The following DENND4B variants were observed in gnomAD, a reference collection of about 807,000 sequenced individuals.
The protein encoded by DENND4B is DENN domain-containing protein 4B.
Under a neutral mutation model 161.0 loss-of-function variants are expected in DENND4B, and 67 were observed. That is an observed-to-expected ratio of 0.42 (90% CI 0.34 to 0.51). The LOEUF (loss-of-function observed/expected upper bound fraction) is 0.51, where lower values mean the gene tolerates loss of function less well. Ranked by LOEUF, DENND4B falls within the 20% of genes least tolerant of loss-of-function variation. The pLI is 0.08. For synonymous variants in DENND4B, 753 were observed against 813.8 expected, an observed-to-expected ratio of 0.93 and a Z score of 1.27; for missense variants, 1,481 against 1,968.0, an observed-to-expected ratio of 0.75 and a Z score of 4.68.
rs775845853 is a variant in DENND4B at position 153,943,701 on chromosome 1, AT to A, written c.317+356del. Among the ~76,000 whole-genome samples, 1,311 of 145,868 alleles carry A rather than the reference AT, an allele frequency of 9.0e-3. 18 individuals are homozygous for A. The highest frequency in any genetic ancestry group is 0.031 in the African/African-American group (1,212 of 38,734). ...TATAAAAAAAAAAAAAAAAAAAAAA[AT>A]AGTTATACAAGCTACCACTGACTGA... On this transcript the variant is annotated intron_variant, in intron 2 of 27. Coordinates refer to ENST00000361217, the MANE Select transcript of DENND4B (RefSeq NM_014856.3).
chr1:153,934,818 C>CTGT lies in DENND4B; in HGVS notation c.2714_2715insACA (p.Gln910dup), dbSNP rs781395790. ...ACACCTGCTCCTGCTGCTGCTGCTGCTGCTGCTGCTGTTGCTGCTGCTGCT... is the reference window on the plus strand; with the variant it reads ...ACACCTGCTCCTGCTGCTGCTGCTGCTGTTGCTGCTGCTGTTGCTGCTGCTGCT... On this transcript the variant is annotated inframe_insertion, in exon 18 of 28. Transcript: ENST00000361217. This position sits in a 1 kb window ranked among gnomAD's most constrained non-coding sequence, Gnocchi z 5.3. The CTGT allele has an allele frequency of 9.3e-5, 145 of 1,564,616 alleles. No homozygotes were observed. Among genetic ancestry groups the CTGT allele is most frequent in the Non-Finnish European group, 1.2e-4 (141 of 1,147,852 alleles).
intron 6 of DENND4B, 97 bp downstream of exon 6, chr1:153,941,772 C>CCCGGGGGGG: frequency 6.8e-7 from 1 of 1,464,444 alleles, no homozygotes; most frequent in East Asian, 2.4e-5. Context: ...TACCCTGTGC[C>CCCGGGGGGG]CAGCCCTCCC....
At position 153,932,308 on chromosome 1, in the gene DENND4B, G is replaced by A. The variant is rs571306422; in HGVS notation, c.3892C>T (p.Pro1298Ser). The change falls in exon 24 of 28, where the codon CCC (proline) becomes TCC (serine). Residue 1298 changes from proline (P) to serine (S), a missense_variant. By Grantham distance (74) the Pro-to-Ser change is moderately conservative. Around this residue, in one of 3 missense-constraint regions of DENND4B, gnomAD observed 336 missense variants for 503.3 expected, o/e 0.67. Transcript: ENST00000361217. This position sits in a 1 kb window ranked among gnomAD's most constrained non-coding sequence, Gnocchi z 5.8. ...CACAAAAGGTTCCAGAAGATGATGG[G>A]GTGGGCAGAGGGCAGTTCAGGCAAC... ...LALPELPSAH[P>S]IIFWNLLWYF... 6.2e-7 allele frequency: 1 copy of A among 1,613,984 alleles called. No individual in the cohort carries two copies. Among genetic ancestry groups the A allele is most frequent in the South Asian group, 1.1e-5 (1 of 91,080 alleles).
intron 24 of DENND4B, 105 bp from the exon 25 acceptor site, chr1:153,931,169 C>T: frequency 2.3e-6 from 2 of 861,346 alleles, no homozygotes; most frequent in South Asian, 3.1e-5. Flanking sequence ...TTACAGGACA[C>T]AGCCAAAGAG....
In DENND4B at chr1:153,941,000, A is replaced by G. The variant is rs749348735; in HGVS notation, c.1230T>C (p.Ala410=). 17 of 1,578,414 alleles carry G rather than the reference A, an allele frequency of 1.1e-5. No homozygotes were observed. The highest frequency in any genetic ancestry group is 1.3e-5 in the Non-Finnish European group (15 of 1,164,092). ...QLLQSLGPEL[A]ITLLLAVLTE... ...TGAGCACAGCCAGCAGCAGTGTGAT[A>G]GCCAGCTCAGGGCCCAGGCTCTGCA... The change falls in exon 9 of 28, where the codon GCT becomes GCC. Residue 410 remains alanine (A), a synonymous_variant. Coordinates refer to ENST00000361217, the MANE Select transcript of DENND4B (RefSeq NM_014856.3). This position sits in a 1 kb window ranked among gnomAD's most constrained non-coding sequence, Gnocchi z 5.6.
Position 153,937,465 on chromosome 1 carries a change from A to G in DENND4B, c.2232+23T>C. 3 of 1,511,484 alleles carry G rather than the reference A, an allele frequency of 2.0e-6. No individual in the cohort carries two copies. The highest frequency in any genetic ancestry group is 1.2e-5 in the South Asian group (1 of 80,310). The allele number at this position is 1,511,484 out of a possible 1,614,324, so 93.6% of individuals were successfully genotyped here. A position where few individuals can be genotyped will look rare whatever the true frequency, so the allele number is the denominator to read the frequency against. On this transcript the variant is annotated intron_variant, in intron 15 of 27. Transcript: ENST00000361217. The surrounding 1 kb of genome is among the most constrained non-coding windows in gnomAD (Gnocchi z 4.7). The stretch of plus-strand genomic sequence containing the variant: ...GCCTTCAGCCTGATCCGGGTCCCTC[A>G]GTGCGGTCCACCCACTGCTTACCTG...
rs1349319836 is a variant in DENND4B, at chr1:153,945,392, G to T, written c.-24+909C>A. ...ATTGAAGGTGCCAGCACAGCATTACGCCAAGTTGGAATCTCAGACTATAGG... is the reference window on the plus strand; with the variant it reads ...ATTGAAGGTGCCAGCACAGCATTACTCCAAGTTGGAATCTCAGACTATAGG... On this transcript the variant is annotated intron_variant, in intron 1 of 27. Coordinates refer to ENST00000361217, the MANE Select transcript of DENND4B (RefSeq NM_014856.3). 1.6e-5 allele frequency: 5 copies of T among 316,756 alleles called. No homozygotes were observed. In the East Asian group the frequency reaches 4.0e-4, roughly 25 times the overall value. 19.6% of individuals were successfully genotyped at this position (316,756 alleles called of 1,614,324 possible).
In DENND4B at chr1:153,931,654, T is replaced by C. The variant is rs1007780710; in HGVS notation, c.3996+550A>G. 4.9e-5 allele frequency among the ~76,000 whole-genome samples: 7 copies of C among 142,246 alleles called. No homozygotes were observed. The South Asian group carries it at 6.8e-4, about 14-fold the overall frequency. The allele number at this position is 142,246 out of a possible 152,430, so 93.3% of individuals were successfully genotyped here. A position where few individuals can be genotyped will look rare whatever the true frequency, so the allele number is the denominator to read the frequency against. On this transcript the variant is annotated intron_variant, in intron 24 of 27. Transcript: ENST00000361217. ...CTGGGACTACAGGCGCCCGCCACCA[T>C]GCCCGGCAAATTTTTTGTATTTTTA...
intron 1 of DENND4B, chr1:153,945,337 T>G (rs576229809): frequency 7.8e-6 from 3 of 386,872 alleles, no homozygotes; most frequent in Middle Eastern, 6.5e-4. Flanking sequence ...TATGGGTGTG[T>G]GTGGTGGCGG....
In DENND4B at chr1:153,934,186, G is replaced by A; in HGVS notation, c.2890C>T (p.Leu964=). The change falls in exon 19 of 28, where the codon CTG becomes TTG. Residue 964 remains leucine, a synonymous_variant. Coordinates refer to ENST00000361217, the MANE Select transcript of DENND4B (RefSeq NM_014856.3). This position sits in a 1 kb window ranked among gnomAD's most constrained non-coding sequence, Gnocchi z 5.3. The part of the protein sequence containing the change: ...PPGRLVKSGS[L]GSARGAQPTV... ...GGCTGTGCCCCTCGGGCACTGCCCA[G>A]GCTACCACTCTTCACCAGGCGTCCA... 1 of 1,604,430 alleles carries A rather than the reference G, an allele frequency of 6.2e-7. No homozygotes were observed. Among genetic ancestry groups the A allele is most frequent in the Non-Finnish European group, 8.5e-7 (1 of 1,176,888 alleles).
Position 153,933,740 on chromosome 1 carries a change from G to C in DENND4B, c.3073C>G (p.Leu1025Val). 1 of 1,598,704 alleles carries C rather than the reference G, an allele frequency of 6.3e-7. No homozygotes were observed. Among genetic ancestry groups the C allele is most frequent in the Non-Finnish European group, 8.5e-7 (1 of 1,173,150 alleles). Residue 1025 changes from leucine (L) to valine (V), a missense_variant, in exon 20 of 28, where the codon CTG (leucine) becomes GTG (valine). Leu to Val is a conservative substitution (Grantham distance 32). Transcript: ENST00000361217. This position sits in a 1 kb window ranked among gnomAD's most constrained non-coding sequence, Gnocchi z 5.7. ...AGGGCCTCAGTGGACTGGGCACTCA[G>C]GGCTGAGCCTGAGCCCCCTGGGCTG... ...GGSPGGSGSA[L>V]SAQSTEALEG...
rs1229530518 is a variant in DENND4B, at chr1:153,930,720, G to C, written c.4252C>G (p.Pro1418Ala). ...AVGLLLETLGPPPTGLHLQRG... is the reference protein window; with the variant it reads ...AVGLLLETLGAPPTGLHLQRG... ...TGCAGGTGCAGGCCAGTGGGTGGGG[G>C]CCCTAGAGTTTCCAGCAGGAGCCCC... The change falls in exon 26 of 28, where the codon CCC (proline) becomes GCC (alanine). Residue 1418 changes from proline (P) to alanine (A), a missense_variant. Physicochemically the swap from Pro to Ala is conservative, Grantham distance 27. This residue lies in a region of DENND4B where 336 missense variants were observed against 503.3 expected (regional missense o/e 0.67). Coordinates refer to ENST00000361217, the MANE Select transcript of DENND4B (RefSeq NM_014856.3). This position sits in a 1 kb window ranked among gnomAD's most constrained non-coding sequence, Gnocchi z 4.7. 7 of 1,611,460 alleles carry C rather than the reference G, an allele frequency of 4.3e-6. No individual in the cohort carries two copies. The highest frequency in any genetic ancestry group is 5.9e-6 in the Non-Finnish European group (7 of 1,178,736).
chr1:153,939,839 C>G (rs1679566019), intron 11 of DENND4B, 35 bp from the exon 12 acceptor site: 2 of 1,601,870 alleles, frequency 1.2e-6, no homozygotes, highest in Admixed American at 3.4e-5. Flanking sequence ...TCAGGGCTGG[C>G]TCCCATAGTG....
rs1679971558 is a variant in DENND4B at position 153,946,398 on chromosome 1, G to GCGCACCCGACTTGGGCGC, written c.-139_-122dup. On this transcript the variant is annotated 5_prime_UTR_variant, in exon 1 of 28. Coordinates refer to ENST00000361217, the MANE Select transcript of DENND4B (RefSeq NM_014856.3). The surrounding 1 kb of genome is among the most constrained non-coding windows in gnomAD (Gnocchi z 6.3). ...GCGGGGCTACCCGGCCCCAGACATG[G>GCGCACCCGACTTGGGCGC]CGCACCCGACTTGGGCGCCGCTCCC... is the stretch of plus-strand genomic sequence containing the variant. The GCGCACCCGACTTGGGCGC allele has an allele frequency of 2.6e-6, 1 of 384,052 alleles. No homozygotes were observed. The highest frequency in any genetic ancestry group is 1.3e-4 in the South Asian group (1 of 7,760). 23.8% of individuals were successfully genotyped at this position (384,052 alleles called of 1,614,324 possible).
rs576339872 is a variant in DENND4B, at chr1:153,937,866, G to A, written c.1966-3C>T. 2.0e-5 allele frequency: 32 copies of A among 1,614,020 alleles called. No homozygotes were observed. The East Asian group carries it at 7.1e-4, about 36-fold the overall frequency. On this transcript the variant is annotated splice_region_variant and splice_polypyrimidine_tract_variant and intron_variant, in intron 13 of 27. Transcript: ENST00000361217. The surrounding 1 kb of genome is among the most constrained non-coding windows in gnomAD (Gnocchi z 4.7). ...GGCTTCTCCTGCTCTGGGTGGACCT[G>A]GAGAAGGATTTTAAGAGAGCAAGTG...
Position 153,936,318 on chromosome 1 carries a change from C to G in DENND4B, c.2440-130G>C. On this transcript the variant is annotated intron_variant, in intron 16 of 27. Transcript: ENST00000361217. This position sits in a 1 kb window ranked among gnomAD's most constrained non-coding sequence, Gnocchi z 4.1. ...GGCCCCTGGCAGGTCCTGGGGCTAC[C>G]TCAGAGCCACCCACCCTTTCTGCTG... The G allele has an allele frequency of 7.3e-7, 1 of 1,364,216 alleles. No homozygotes were observed. Among genetic ancestry groups the G allele is most frequent in the Admixed American group, 2.3e-5 (1 of 43,642 alleles). 84.5% of individuals were successfully genotyped at this position (1,364,216 alleles called of 1,614,324 possible). A position where few individuals can be genotyped will look rare whatever the true frequency, so the allele number is the denominator to read the frequency against.
At position 153,940,062 on chromosome 1, in the gene DENND4B, C is replaced by G. The variant is rs905156976; in HGVS notation, c.1603+94G>C. 12 of 1,154,786 alleles carry G rather than the reference C, an allele frequency of 1.0e-5. No homozygotes were observed. The African/African-American group carries it at 1.9e-4, about 18-fold the overall frequency. The allele number at this position is 1,154,786 out of a possible 1,614,324, so 71.5% of individuals were successfully genotyped here. ...ATGCAATCCTAACTTCACTCACCTC[C>G]TTAAGAAATGTCTAGCTCCCCACAG... is the stretch of plus-strand genomic sequence containing the variant. On this transcript the variant is annotated intron_variant, in intron 11 of 27. Coordinates refer to ENST00000361217, the MANE Select transcript of DENND4B (RefSeq NM_014856.3). The surrounding 1 kb of genome is among the most constrained non-coding windows in gnomAD (Gnocchi z 5.6).
Position 153,942,520 on chromosome 1 carries a change from G to A in DENND4B, c.640+36C>T. The stretch of plus-strand genomic sequence containing the variant: ...AGAGGCACCAGGGCAAAGGGATGTA[G>A]GGTCACAGGATTGGAGGGATAAAGG... On this transcript the variant is annotated intron_variant, in intron 4 of 27. Transcript: ENST00000361217. The surrounding 1 kb of genome is among the most constrained non-coding windows in gnomAD (Gnocchi z 6.9). The A allele has an allele frequency of 6.3e-7, 1 of 1,582,358 alleles. No homozygotes were observed. Among genetic ancestry groups the A allele is most frequent in the Non-Finnish European group, 8.6e-7 (1 of 1,163,838 alleles).
chr1:153,943,226 C>CT (rs1679776447), intron 2 of DENND4B, 96 bp from the exon 3 acceptor site: 5 of 1,499,410 alleles, frequency 3.3e-6, no homozygotes, highest in Non-Finnish European at 3.6e-6. Flanking sequence ...CTGAACTTGC[C>CT]TTGTACCCAC....
Sources: allele counts gnomAD v4.1 joint callset (sites outside exome capture counted in the v4.1 genomes callset), GRCh38; gene constraint gnomAD v4.1.1; regional missense constraint gnomAD v4.1.1; non-coding constraint Gnocchi (gnomAD v3.1); transcripts MANE v1.5; gene names NCBI Gene and HGNC (gene_info 2026-07-23, HGNC 2026-07-21).